Variants in IRS1 observed in about 807,000 individuals in gnomAD.
The protein encoded by IRS1 is insulin receptor substrate 1.
In IRS1, 34 loss-of-function variants were observed where a neutral mutation model predicts 65.6. The observed-to-expected ratio is 0.52, with a 90% CI of 0.39 to 0.69. The LOEUF (loss-of-function observed/expected upper bound fraction) is 0.69, where lower values mean the gene tolerates loss of function less well. Ranked by LOEUF, IRS1 falls within the 30% of genes least tolerant of loss-of-function variation. The pLI is 0.00. For synonymous variants in IRS1, 699 were observed against 683.5 expected (o/e 1.02, Z -0.35); for missense variants, 1,641 against 1,720.2 (o/e 0.95, Z 0.81).
chr2:226,789,185 T>G (rs567105117), intron 1 of IRS1, among the ~76,000 whole-genome samples: 1 of 152,380 alleles, frequency 6.6e-6, no homozygotes, highest in South Asian at 2.1e-4. Context: ...ATTTATATAC[T>G]ATTCAGCTAA....
At chr2:226,749,590 G>A (rs1040495210) in intron 1 of IRS1, among the ~76,000 whole-genome samples, 26 of 152,130 alleles carry the variant, frequency 1.7e-4, no homozygotes, top group African/African-American at 5.6e-4. Flanking sequence ...AGTAAGCTGG[G>A]ACCCTTCTCC....
rs145948998 is a variant in IRS1 at position 226,797,221 on chromosome 2, C to G, written c.1518G>C (p.Leu506Phe). Reference sequence around the variant, plus strand: ...CAGCACTGGCTGCTTCATCCCCAGCCAAGGCTGGACTCGTGCCCAAGCCTG... The same window carrying G: ...CAGCACTGGCTGCTTCATCCCCAGCGAAGGCTGGACTCGTGCCCAAGCCTG... ...PGTGLGTSPA[L>F]AGDEAASAAD... The change falls in exon 1 of 2, where the codon TTG becomes TTC. Residue 506 changes from leucine to phenylalanine, a missense_variant. Leu to Phe is a conservative substitution (Grantham distance 22). Coordinates refer to ENST00000305123, the MANE Select transcript of IRS1 (RefSeq NM_005544.3). The surrounding 1 kb of genome is among the most constrained non-coding windows in gnomAD (Gnocchi z 8.1). 1.6e-4 allele frequency: 253 copies of G among 1,613,630 alleles called. 2 individuals are homozygous for G. In the East Asian group the frequency reaches 5.5e-3, roughly 35 times the overall value.
intron 1 of IRS1, among the ~76,000 whole-genome samples, chr2:226,780,899 C>T (rs1024024080): frequency 6.6e-6 from 1 of 152,206 alleles, no homozygotes; most frequent in African/African-American, 2.4e-5. Context: ...CATCCTCTCC[C>T]TTGATCCAAG....
chr2:226,788,677 ATACT>A (rs1939533267), intron 1 of IRS1, among the ~76,000 whole-genome samples: 4 of 152,206 alleles, frequency 2.6e-5, no homozygotes, highest in Admixed American at 2.6e-4. Flanking sequence ...CAAATAGATG[ATACT>A]TACTAACCTA....
intron 1 of IRS1, among the ~76,000 whole-genome samples, chr2:226,769,330 A>G (rs1010388100): frequency 2.6e-5 from 4 of 152,228 alleles, no homozygotes; most frequent in African/African-American, 9.6e-5. Flanking sequence ...TGCAGTACAC[A>G]TGGACACTGA....
At chr2:226,740,353 A>T (rs1428328048) in intron 1 of IRS1, among the ~76,000 whole-genome samples, 3 of 152,204 alleles carry the variant, frequency 2.0e-5, no homozygotes, top group Non-Finnish European at 4.4e-5. Flanking sequence ...GTAATTTTTA[A>T]AGCATTATCA....
chr2:226,795,387 G>T lies in IRS1; in HGVS notation c.3352C>A (p.Pro1118Thr). Reference sequence around the variant, plus strand: ...CCTACTGCTGCCCCCGCTCCAAAGGGCACTGTGTTGCCCACCCGGGTGGCA... The same window carrying T: ...CCTACTGCTGCCCCCGCTCCAAAGGTCACTGTGTTGCCCACCCGGGTGGCA... ...PSATRVGNTV[P>T]FGAGAAVGGG... is the part of the protein sequence containing the mutation. Residue 1118 changes from proline to threonine, a missense_variant, in exon 1 of 2, where the codon CCC becomes ACC. Pro to Thr is a conservative substitution (Grantham distance 38). Coordinates refer to ENST00000305123, the MANE Select transcript of IRS1 (RefSeq NM_005544.3). The T allele has an allele frequency of 6.2e-7, 1 of 1,613,296 alleles. No individual in the cohort carries two copies.
intron 1 of IRS1, among the ~76,000 whole-genome samples, chr2:226,777,440 T>C (rs1320053885): frequency 6.6e-6 from 1 of 152,234 alleles, no homozygotes; most frequent in Non-Finnish European, 1.5e-5. Flanking sequence ...TTACCACTTA[T>C]AGAACCCCAA....
At chr2:226,780,592 T>C (rs1350326808) in intron 1 of IRS1, among the ~76,000 whole-genome samples, 1 of 152,106 alleles carries the variant, frequency 6.6e-6, no homozygotes, top group Non-Finnish European at 1.5e-5. Context: ...TGAGCTACTG[T>C]TGGAAGCACA....
At chr2:226,744,131 G>A (rs943091668) in intron 1 of IRS1, among the ~76,000 whole-genome samples, 4 of 152,126 alleles carry the variant, frequency 2.6e-5, no homozygotes, top group South Asian at 2.1e-4. Context: ...GGTCTGCAGC[G>A]GACTGAGGTA....
chr2:226,759,580 A>G (rs1052564397), intron 1 of IRS1, among the ~76,000 whole-genome samples: 1 of 152,246 alleles, frequency 6.6e-6, no homozygotes, highest in Admixed American at 6.5e-5. Flanking sequence ...ACTAAAGCTG[A>G]ATGAAGATCA....
At position 226,796,142 on chromosome 2, in the gene IRS1, G is replaced by A. The variant is rs200949038; in HGVS notation, c.2597C>T (p.Pro866Leu). The A allele has an allele frequency of 1.2e-6, 2 of 1,613,664 alleles. No homozygotes were observed. The highest frequency in any genetic ancestry group is 8.5e-7 in the Non-Finnish European group (1 of 1,180,022). The stretch of plus-strand genomic sequence containing the variant: ...GGCCCGAGGTAAGGTGCTGGCCTTG[G>A]GATCCCCCAGGGACAGCCTCGTGGG... ...ARPTRLSLGDPKASTLPRARE... is the reference protein window; with the variant it reads ...ARPTRLSLGDLKASTLPRARE... The change falls in exon 1 of 2, where the codon CCC becomes CTC. Residue 866 changes from proline to leucine, a missense_variant. Physicochemically the swap from Pro to Leu is moderately conservative, Grantham distance 98. Around this residue, in one of 3 missense-constraint regions of IRS1, gnomAD observed 1,324 missense variants for 1,361.0 expected, o/e 0.97. Transcript: ENST00000305123.
At chr2:226,751,272 G>GGATTTTT (rs1938672156) in intron 1 of IRS1, among the ~76,000 whole-genome samples, 1 of 120,660 alleles carries the variant, frequency 8.3e-6, no homozygotes, top group South Asian at 2.8e-4. Flanking sequence ...CTCCACACGG[G>GGATTTTT]TATTTTTTTT....
In IRS1 at chr2:226,784,254, G is replaced by A. The variant is rs192293222; in HGVS notation, c.*21+10735C>T. Among the ~76,000 whole-genome samples, 255 of 152,098 alleles carry A rather than the reference G, an allele frequency of 1.7e-3. 1 individual carries two copies. Among genetic ancestry groups the A allele is most frequent in the African/African-American group, 5.4e-3 (222 of 41,480 alleles). On this transcript the variant is annotated intron_variant, in intron 1 of 1. Transcript: ENST00000305123. ...GCTTCATATATAAAACTCTTTAACA[G>A]CTTTTTAAAAATTTCCTTCATATGG... is the stretch of plus-strand genomic sequence containing the variant.
At position 226,796,542 on chromosome 2, in the gene IRS1, T is replaced by C. The variant is rs146240269; in HGVS notation, c.2197A>G (p.Met733Val). 252 of 1,614,058 alleles carry C rather than the reference T, an allele frequency of 1.6e-4. No homozygotes were observed. Among genetic ancestry groups the C allele is most frequent in the East Asian group, 5.3e-4 (24 of 44,868 alleles). The change falls in exon 1 of 2, where the codon ATG (methionine) becomes GTG (valine). Residue 733 changes from methionine to valine, a missense_variant. Around this residue, in one of 3 missense-constraint regions of IRS1, gnomAD observed 1,324 missense variants for 1,361.0 expected, o/e 0.97. Transcript: ENST00000305123. Reference sequence around the variant, plus strand: ...GAGTCCCCCACTGGTGACATGTTCATGTAGTCACCTGTGCAAGGTAAGAGC... The same window carrying C: ...GAGTCCCCCACTGGTGACATGTTCACGTAGTCACCTGTGCAAGGTAAGAGC... ...GKLLPCTGDYMNMSPVGDSNT... is the reference protein window; with the variant it reads ...GKLLPCTGDYVNMSPVGDSNT...
At chr2:226,791,368 G>C (rs914764071) in intron 1 of IRS1, among the ~76,000 whole-genome samples, 4 of 152,202 alleles carry the variant, frequency 2.6e-5, no homozygotes, top group African/African-American at 7.2e-5. Flanking sequence ...CCGTAGTAAA[G>C]AGAGAAGGGA....
At chr2:226,752,424 C>G (rs1461954200) in intron 1 of IRS1, among the ~76,000 whole-genome samples, 1 of 152,162 alleles carries the variant, frequency 6.6e-6, no homozygotes, top group Non-Finnish European at 1.5e-5. Flanking sequence ...GCCACAGATT[C>G]GCTTTTCCAG....
chr2:226,781,287 TG>T (rs1247693349), intron 1 of IRS1, among the ~76,000 whole-genome samples: 4 of 152,218 alleles, frequency 2.6e-5, no homozygotes, highest in Admixed American at 1.3e-4. Flanking sequence ...CTAAGAGAGT[TG>T]TTCCTAAACA....
chr2:226,778,516 C>T (rs574639153), intron 1 of IRS1, among the ~76,000 whole-genome samples: 16 of 151,724 alleles, frequency 1.1e-4, no homozygotes, highest in African/African-American at 3.9e-4. Flanking sequence ...TCCTCCCAAA[C>T]ATTAAATAGT....
Sources: allele counts gnomAD v4.1 joint callset (sites outside exome capture counted in the v4.1 genomes callset), GRCh38; gene constraint gnomAD v4.1.1; regional missense constraint gnomAD v4.1.1; non-coding constraint Gnocchi (gnomAD v3.1); transcripts MANE v1.5; gene names NCBI Gene and HGNC (gene_info 2026-07-23, HGNC 2026-07-21).